CDKN2B-AS1: variants seen among roughly 807,000 people sequenced by gnomAD.
The protein encoded by CDKN2B-AS1 is CDKN2B and CDKN2A antisense cis and trans regulatory RNA 1, also known as CDKN2B antisense RNA 1 (non-protein coding).
chr9:22,029,390 A>G (rs765721457), intron 1 of CDKN2B-AS1: 1 of 778,722 alleles, frequency 1.3e-6, no homozygotes, highest in East Asian at 2.4e-5. Context: ...CTAATCACAT[A>G]GAGACTTGTC....
At chr9:22,041,156 A>T (rs80166549) in intron 1 of CDKN2B-AS1, among the ~76,000 whole-genome samples, 1 of 151,968 alleles carries the variant, frequency 6.6e-6, no homozygotes, top group Non-Finnish European at 1.5e-5. Flanking sequence ...GGATAAAGAG[A>T]AAATGTGTTG....
chr9:22,127,201 C>G (rs977396244), exon 5 of CDKN2B-AS1, among the ~76,000 whole-genome samples: 1 of 152,144 alleles, frequency 6.6e-6, no homozygotes, highest in African/African-American at 2.4e-5. Flanking sequence ...CCTGCCTCAG[C>G]CTCCCAAGGA....
chr9:22,087,131 A>C (rs1254061195), intron 4 of CDKN2B-AS1, among the ~76,000 whole-genome samples: 1 of 152,218 alleles, frequency 6.6e-6, no homozygotes, highest in Non-Finnish European at 1.5e-5. Context: ...TTTCTTGGAA[A>C]TGTTTGATTT....
At chr9:22,048,086 C>T (rs1269845560) in intron 2 of CDKN2B-AS1, among the ~76,000 whole-genome samples, 1 of 151,836 alleles carries the variant, frequency 6.6e-6, no homozygotes, top group Admixed American at 6.6e-5. Flanking sequence ...TGAGTCAGTG[C>T]GCCTGACCTG....
intron 4 of CDKN2B-AS1, among the ~76,000 whole-genome samples, chr9:22,060,041 A>C (rs1823749271): frequency 1.3e-5 from 2 of 152,060 alleles, no homozygotes; most frequent in Admixed American, 1.3e-4. Flanking sequence ...CTGTGATGGG[A>C]GGGGCTGCCA....
chr9:22,064,491 G>A (rs1390740158), intron 4 of CDKN2B-AS1, among the ~76,000 whole-genome samples: 1 of 152,152 alleles, frequency 6.6e-6, no homozygotes, highest in South Asian at 2.1e-4. Context: ...GTCAATAAAG[G>A]GTTAAGAACG....
At chr9:22,002,578 T>C (rs1820972622) in intron 1 of CDKN2B-AS1, among the ~76,000 whole-genome samples, 1 of 152,030 alleles carries the variant, frequency 6.6e-6, no homozygotes, top group African/African-American at 2.4e-5. Flanking sequence ...ATGAAATTAG[T>C]TTTTGTATAT....
intron 4 of CDKN2B-AS1, among the ~76,000 whole-genome samples, chr9:22,086,982 G>A (rs1002974738): frequency 6.6e-5 from 10 of 152,146 alleles, no homozygotes; most frequent in Non-Finnish European, 7.3e-5. Flanking sequence ...AATTGCCTAC[G>A]CAGGGAAGTT....
At chr9:22,072,971 G>A (rs73650037) in intron 4 of CDKN2B-AS1, among the ~76,000 whole-genome samples, 168 of 152,270 alleles carry the variant, frequency 1.1e-3, no homozygotes, top group African/African-American at 3.9e-3. Flanking sequence ...TAGAAATCAT[G>A]AGTGTGAAAG....
chr9:22,071,672 C>T (rs1824301494), intron 4 of CDKN2B-AS1, among the ~76,000 whole-genome samples: 1 of 152,036 alleles, frequency 6.6e-6, no homozygotes, highest in Non-Finnish European at 1.5e-5. Context: ...AATGGAAGTA[C>T]ACTCAATTTT....
In CDKN2B-AS1 at chr9:22,014,769, C is replaced by T. The variant is rs543827155; in HGVS notation, n.29+19608C>T. 3.3e-5 allele frequency among the ~76,000 whole-genome samples: 4 copies of T among 121,772 alleles called. No individual in the cohort carries two copies. In the South Asian group the frequency reaches 1.5e-3, roughly 46 times the overall value. The allele number at this position is 121,772 out of a possible 152,430, so 79.9% of individuals were successfully genotyped here. A position where few individuals can be genotyped will look rare whatever the true frequency, so the allele number is the denominator to read the frequency against. On this transcript the variant is annotated intron_variant and non_coding_transcript_variant, in intron 1 of 4. Transcript: ENST00000650946. ...TGCTATCCCTCCCCCCTCCCCCCAC[C>T]CCACAACAGTCCCCAGAGTGTGATG...
chr9:22,020,910 G>T (rs1377404659), intron 1 of CDKN2B-AS1, among the ~76,000 whole-genome samples: 1 of 152,020 alleles, frequency 6.6e-6, no homozygotes, highest in Non-Finnish European at 1.5e-5. Flanking sequence ...TTTTTCTTTT[G>T]ATGCAATTGC....
At chr9:22,055,354 T>G (rs1229080304) in intron 3 of CDKN2B-AS1, among the ~76,000 whole-genome samples, 1 of 152,222 alleles carries the variant, frequency 6.6e-6, no homozygotes, top group Non-Finnish European at 1.5e-5. Flanking sequence ...ATTAGGACAG[T>G]CTTTGTAGCT....
chr9:22,025,502 G>T (rs776212520), intron 1 of CDKN2B-AS1, among the ~76,000 whole-genome samples: 2 of 152,128 alleles, frequency 1.3e-5, no homozygotes, highest in Non-Finnish European at 2.9e-5. Context: ...GTGGCTAGAG[G>T]TCCAGGCCTG....
At chr9:22,078,932 C>T (rs1041406391) in intron 4 of CDKN2B-AS1, among the ~76,000 whole-genome samples, 9 of 152,088 alleles carry the variant, frequency 5.9e-5, no homozygotes, top group South Asian at 4.1e-4. Context: ...CATTACTAAA[C>T]GGCACTCACT....
chr9:22,101,992 G>A (rs1825500587), intron 4 of CDKN2B-AS1, among the ~76,000 whole-genome samples: 2 of 152,140 alleles, frequency 1.3e-5, no homozygotes, highest in South Asian at 4.1e-4. Flanking sequence ...GCAACCAACT[G>A]CCTATGGTCA....
intron 1 of CDKN2B-AS1, chr9:22,046,361 T>A (rs1823109133): frequency 6.6e-6 from 1 of 152,130 alleles, no homozygotes; most frequent in East Asian, 1.9e-4. Flanking sequence ...AATTTTCCTG[T>A]CAAAGACCAC....
At chr9:22,082,223 G>A (rs1824724000) in intron 4 of CDKN2B-AS1, among the ~76,000 whole-genome samples, 1 of 152,096 alleles carries the variant, frequency 6.6e-6, no homozygotes, top group South Asian at 2.1e-4. Context: ...TCTTTCTGCT[G>A]GTCTGCTAGT....
At position 22,074,495 on chromosome 9, in the gene CDKN2B-AS1, A is replaced by G. The variant is rs191915128; in HGVS notation, n.438+18108A>G. ...CTGGTCACTCTCGAATACATAACAC[A>G]TTTACATAAATATATATATCCAAGT... On this transcript the variant is annotated intron_variant and non_coding_transcript_variant, in intron 4 of 4. Transcript: ENST00000650946. Among the ~76,000 whole-genome samples, 7 of 152,340 alleles carry G rather than the reference A, an allele frequency of 4.6e-5. No individual in the cohort carries two copies. In the East Asian group the frequency reaches 1.3e-3, roughly 29 times the overall value.
Sources: allele counts gnomAD v4.1 joint callset (sites outside exome capture counted in the v4.1 genomes callset), GRCh38; gene constraint gnomAD v4.1.1; transcripts MANE v1.5; gene names NCBI Gene and HGNC (gene_info 2026-07-23, HGNC 2026-07-21).